The following LUZP2 variants were observed in gnomAD, a reference collection of about 807,000 sequenced individuals.
LUZP2 encodes leucine zipper protein 2.
Under a neutral mutation model 51.6 loss-of-function variants are expected in LUZP2, and 52 were observed. The observed-to-expected ratio is 1.01, with a 90% CI of 0.81 to 1.27. The LOEUF (loss-of-function observed/expected upper bound fraction) is 1.27. LUZP2 is among the 50% of genes most tolerant of loss of function. The pLI is 0.00. For synonymous variants in LUZP2, 154 were observed against 137.3 expected (o/e 1.12, Z -0.85); for missense variants, 436 against 395.4 (o/e 1.10, Z -0.87).
At chr11:25,026,049 A>T (rs1382405446) in intron 9 of LUZP2, among the ~76,000 whole-genome samples, 1 of 151,452 alleles carries the variant, frequency 6.6e-6, no homozygotes. Flanking sequence ...AGGACAAAAA[A>T]CCAAACACTG....
At chr11:24,747,861 G>T (rs57637255) in intron 4 of LUZP2, among the ~76,000 whole-genome samples, 2 of 151,988 alleles carry the variant, frequency 1.3e-5, no homozygotes, top group Non-Finnish European at 2.9e-5. Context: ...CACAGGCCTC[G>T]CCCAGCTTCC....
intron 1 of LUZP2, among the ~76,000 whole-genome samples, chr11:24,695,991 G>T (rs1857236169): frequency 6.6e-6 from 1 of 152,012 alleles, no homozygotes; most frequent in African/African-American, 2.4e-5. Context: ...AGATTACTTG[G>T]GATCGGTATA....
chr11:25,036,008 C>T (rs1857848013), intron 9 of LUZP2, among the ~76,000 whole-genome samples: 1 of 151,966 alleles, frequency 6.6e-6, no homozygotes, highest in Non-Finnish European at 1.5e-5. Flanking sequence ...AGGCCCTCCT[C>T]CCCAGCTTTT....
intron 1 of LUZP2, among the ~76,000 whole-genome samples, chr11:24,535,005 A>G (rs1404990728): frequency 6.8e-6 from 1 of 146,936 alleles, no homozygotes; most frequent in Non-Finnish European, 1.5e-5. Context: ...TATTGACATA[A>G]AGTAAAGCAC....
intron 1 of LUZP2, among the ~76,000 whole-genome samples, chr11:24,643,744 G>A (rs1269732387): frequency 2.6e-5 from 4 of 152,040 alleles, no homozygotes; most frequent in Admixed American, 6.6e-5. Context: ...GCACACATTA[G>A]TCACTACCTA....
At chr11:25,045,283 G>T (rs1042280688) in intron 9 of LUZP2, among the ~76,000 whole-genome samples, 3 of 151,698 alleles carry the variant, frequency 2.0e-5, no homozygotes, top group Non-Finnish European at 2.9e-5. Context: ...AATAGCATCA[G>T]TATTGGTACA....
intron 5 of LUZP2, among the ~76,000 whole-genome samples, chr11:24,861,653 T>A (rs1011811641): frequency 1.3e-5 from 2 of 152,284 alleles, no homozygotes; most frequent in Admixed American, 6.5e-5. Context: ...CCGCCACTAG[T>A]GGCCGAAGAA....
intron 10 of LUZP2, among the ~76,000 whole-genome samples, chr11:25,072,313 C>T (rs1318471071): frequency 6.6e-6 from 1 of 152,092 alleles, no homozygotes; most frequent in Non-Finnish European, 1.5e-5. Context: ...CCTCCACTGA[C>T]ATCAAAGTCC....
Position 24,741,912 on chromosome 11 carries a change from A to T in LUZP2, c.333+3610A>T. Among the ~76,000 whole-genome samples, 5 of 20,584 alleles carry T rather than the reference A, an allele frequency of 2.4e-4. No homozygotes were observed. The South Asian group carries it at 9.7e-3, about 40-fold the overall frequency. 13.5% of individuals were successfully genotyped at this position (20,584 alleles called of 152,430 possible). A position where few individuals can be genotyped will look rare whatever the true frequency, so the allele number is the denominator to read the frequency against. ...TTATATACATATATATTTCTATATA[A>T]TATATACATTTATATATTATATATA... On this transcript the variant is annotated intron_variant, in intron 4 of 11. Transcript: ENST00000336930.
chr11:24,507,498 G>A (rs1319012150), intron 1 of LUZP2, among the ~76,000 whole-genome samples: 1 of 151,946 alleles, frequency 6.6e-6, no homozygotes, highest in African/African-American at 2.4e-5. Flanking sequence ...TTCTTTAAAG[G>A]GCTGAGAAAA....
At chr11:24,521,964 A>T (rs1223432833) in intron 1 of LUZP2, among the ~76,000 whole-genome samples, 2 of 152,062 alleles carry the variant, frequency 1.3e-5, no homozygotes, top group Admixed American at 6.6e-5. Flanking sequence ...ATATATATAT[A>T]TTTTTCGAAT....
At chr11:24,892,974 C>T (rs771050396) in intron 5 of LUZP2, 3 of 152,102 alleles carry the variant, frequency 2.0e-5, no homozygotes, top group Non-Finnish European at 4.4e-5. Context: ...GGAAAATGTA[C>T]ATCACCTAAC....
chr11:24,623,701 G>T (rs1854581490), intron 1 of LUZP2, among the ~76,000 whole-genome samples: 1 of 152,042 alleles, frequency 6.6e-6, no homozygotes. Context: ...CAAAAAATTA[G>T]CCAGGAGTGG....
chr11:24,777,754 A>G (rs1590507360), intron 5 of LUZP2, among the ~76,000 whole-genome samples: 1 of 152,108 alleles, frequency 6.6e-6, no homozygotes, highest in African/African-American at 2.4e-5. Flanking sequence ...TTGATATTAT[A>G]GTACATAATT....
chr11:24,729,475 C>A (rs536368516), intron 2 of LUZP2, among the ~76,000 whole-genome samples, 189 bp downstream of exon 2: 23 of 152,024 alleles, frequency 1.5e-4, no homozygotes, highest in Non-Finnish European at 2.4e-4. Context: ...CTGTGTTTAA[C>A]AAATACAGAA....
intron 5 of LUZP2, among the ~76,000 whole-genome samples, chr11:24,839,221 C>T (rs2716507): frequency 0.16 from 23,657 of 151,494 alleles, 2,049 homozygotes; most frequent in African/African-American, 0.22. Flanking sequence ...GAATGATTCT[C>T]CAGGAACCCC....
At chr11:24,858,230 T>A (rs1316285317) in intron 5 of LUZP2, among the ~76,000 whole-genome samples, 1 of 152,198 alleles carries the variant, frequency 6.6e-6, no homozygotes, top group Admixed American at 6.5e-5. Flanking sequence ...AAGCATCTTT[T>A]TCTTGACTTC....
intron 1 of LUZP2, among the ~76,000 whole-genome samples, chr11:24,688,980 C>T (rs899190654): frequency 2.0e-5 from 3 of 152,044 alleles, no homozygotes; most frequent in Non-Finnish European, 4.4e-5. Flanking sequence ...TGAATCTGTA[C>T]GAGTCTGTAG....
chr11:25,019,913 T>C (rs559475133), intron 9 of LUZP2, among the ~76,000 whole-genome samples: 6 of 148,176 alleles, frequency 4.0e-5, no homozygotes, highest in Non-Finnish European at 7.4e-5. Flanking sequence ...ATTGTTTTGA[T>C]GTAGTGTCAT....
Sources: allele counts gnomAD v4.1 joint callset (sites outside exome capture counted in the v4.1 genomes callset), GRCh38; gene constraint gnomAD v4.1.1; transcripts MANE v1.5; gene names NCBI Gene and HGNC (gene_info 2026-07-23, HGNC 2026-07-21).